GPR179: variants seen among roughly 807,000 people sequenced by gnomAD.
GPR179 encodes the protein G protein-coupled receptor 179, also known as probable G protein-coupled receptor 179.
GPR179 carries 52 observed loss-of-function variants against 70.8 expected under a neutral mutation model. That is an observed-to-expected ratio of 0.73 (90% CI 0.59 to 0.93). The LOEUF (loss-of-function observed/expected upper bound fraction) is 0.93, where lower values mean the gene tolerates loss of function less well. Ranked by LOEUF, GPR179 falls within the 40% of genes least tolerant of loss-of-function variation. GPR179 has a pLI of 0.00. For missense variants in GPR179, 2,734 were observed against 2,966.8 expected, an observed-to-expected ratio of 0.92 and a Z score of 1.82; for synonymous variants, 1,123 against 1,169.0, an observed-to-expected ratio of 0.96 and a Z score of 0.80.
rs1338935263 is a variant in GPR179 at position 38,334,467 on chromosome 17, TA to T, written c.1784+236del. On this transcript the variant is annotated intron_variant, in intron 8 of 10. Coordinates refer to ENST00000616987, the MANE Select transcript of GPR179 (RefSeq NM_001004334.4). The surrounding 1 kb of genome is among the most constrained non-coding windows in gnomAD (Gnocchi z 4.7). ...AGGTGCTTTGGGAGGGGTGAGGAGT[TA>T]GGAGGAAGGTCCTCTTCCTCCTCTT... Among the ~76,000 whole-genome samples, 1 of 151,528 alleles carries T rather than the reference TA, an allele frequency of 6.6e-6. No homozygotes were observed. The highest frequency in any genetic ancestry group is 1.9e-4 in the East Asian group (1 of 5,140).
chr17:38,326,940 T>C lies in GPR179; in HGVS notation c.6629A>G (p.Glu2210Gly), dbSNP rs1436755775. Residue 2210 changes from glutamate (E) to glycine (G), a missense_variant, in exon 11 of 11, where the codon GAA (glutamate) becomes GGA (glycine). Glu to Gly is a moderately conservative substitution (Grantham distance 98). Coordinates refer to ENST00000616987, the MANE Select transcript of GPR179 (RefSeq NM_001004334.4). Reference protein sequence around the residue: ...LDPELKVSPKEAGSMGSRMAE... With the variant: ...LDPELKVSPKGAGSMGSRMAE... Reference sequence around the variant, plus strand: ...CATCCTGCTTCCCATGCTGCCTGCTTCCTTGGGGCTGACTTTGAGTTCTGG... The same window carrying C: ...CATCCTGCTTCCCATGCTGCCTGCTCCCTTGGGGCTGACTTTGAGTTCTGG... 3 of 1,613,994 alleles carry C rather than the reference T, an allele frequency of 1.9e-6. No homozygotes were observed. The highest frequency in any genetic ancestry group is 2.7e-5 in the African/African-American group (2 of 74,924).
intron 2 of GPR179, chr17:38,339,213 T>A: frequency 1.9e-6 from 1 of 520,984 alleles, no homozygotes; most frequent in Non-Finnish European, 3.4e-6. Flanking sequence ...GCAGGAGGAA[T>A]AGGGGGTGGG....
chr17:38,328,375 C>T lies in GPR179; in HGVS notation c.5194G>A (p.Gly1732Ser), dbSNP rs1567722546. ...EAIRKSPNDT[G>S]KVSADLGPRE... is the part of the protein sequence containing the mutation. ...GGTCCAAGATCTGCAGAAACCTTGCCTGTATCATTTGGAGATTTCCTAATG... is the reference window on the plus strand; with the variant it reads ...GGTCCAAGATCTGCAGAAACCTTGCTTGTATCATTTGGAGATTTCCTAATG... Residue 1732 changes from glycine (G) to serine (S), a missense_variant, in exon 11 of 11, where the codon GGC (glycine) becomes AGC (serine). By Grantham distance (56) the Gly-to-Ser change is moderately conservative. Coordinates refer to ENST00000616987, the MANE Select transcript of GPR179 (RefSeq NM_001004334.4). The T allele has an allele frequency of 1.2e-6, 2 of 1,613,768 alleles. No individual in the cohort carries two copies. The highest frequency in any genetic ancestry group is 1.1e-5 in the South Asian group (1 of 91,070).
In GPR179 at chr17:38,334,004, T is replaced by C. The variant is rs1474554854; in HGVS notation, c.1819A>G (p.Thr607Ala). 2 of 1,613,532 alleles carry C rather than the reference T, an allele frequency of 1.2e-6. No homozygotes were observed. The highest frequency in any genetic ancestry group is 1.7e-6 in the Non-Finnish European group (2 of 1,179,794). Reference protein sequence around the residue: ...VLVPSLHPDWTLLLFFFHTHS... With the variant: ...VLVPSLHPDWALLLFFFHTHS... ...GTGTGGAAGAAGAAGAGGAGGAGGGTCCAGTCCGGGTGCAGAGAGGGAACC... is the reference window on the plus strand; with the variant it reads ...GTGTGGAAGAAGAAGAGGAGGAGGGCCCAGTCCGGGTGCAGAGAGGGAACC... Residue 607 changes from threonine (T) to alanine (A), a missense_variant, in exon 9 of 11, where the codon ACC becomes GCC. Transcript: ENST00000616987. The surrounding 1 kb of genome is among the most constrained non-coding windows in gnomAD (Gnocchi z 4.7).
In GPR179 at chr17:38,331,042, CACTGA is replaced by C. The variant is rs1264885990; in HGVS notation, c.2522_2526del (p.Leu841ArgfsTer80). ...AAGGCCTTTTCCCTGGAGCTGGCCA[CACTGA>C]GCGACTTCTGCAGAGAGGCGGGCCG... is the stretch of plus-strand genomic sequence containing the variant. On this transcript the variant is annotated frameshift_variant, in exon 11 of 11. Coordinates refer to ENST00000616987, the MANE Select transcript of GPR179 (RefSeq NM_001004334.4). LOFTEE classifies it low-confidence loss of function (END_TRUNC). 6.2e-7 allele frequency: 1 copy of C among 1,608,346 alleles called. No homozygotes were observed. The highest frequency in any genetic ancestry group is 1.7e-5 in the Admixed American group (1 of 60,012).
Position 38,329,915 on chromosome 17 carries a change from G to T in GPR179, c.3654C>A (p.Thr1218=), listed in dbSNP as rs759067026. 6.2e-7 allele frequency: 1 copy of T among 1,614,202 alleles called. No homozygotes were observed. The highest frequency in any genetic ancestry group is 8.5e-7 in the Non-Finnish European group (1 of 1,180,036). Residue 1218 remains threonine, a synonymous_variant, in exon 11 of 11, where the codon ACC becomes ACA. Coordinates refer to ENST00000616987, the MANE Select transcript of GPR179 (RefSeq NM_001004334.4). ...TGGGCAGTTCCTGCCACCCGACAGG[G>T]GTTTCTTTTGATTGCTTGATGTTTT... ...RDKNIKQSKE[T]PVGWQELPKA... is the part of the protein sequence containing the mutation.
chr17:38,331,647 C>T, intron 10 of GPR179, 116 bp from the exon 11 acceptor site: 1 of 1,474,884 alleles, frequency 6.8e-7, no homozygotes, highest in Non-Finnish European at 9.0e-7. Flanking sequence ...TTCCATCAAG[C>T]TGTATCTCTT....
Position 38,327,430 on chromosome 17 carries a change from T to C in GPR179, c.6139A>G (p.Arg2047Gly). ...GKGDSQEEKG[R>G]APEKSEPKGV... ...TTTGGCTCTGATTTTTCTGGGGCTC[T>C]GCCTTTCTCTTCTTGAGAGTCCCCT... The change falls in exon 11 of 11, where the codon AGA (arginine) becomes GGA (glycine). Residue 2047 changes from arginine to glycine, a missense_variant. Coordinates refer to ENST00000616987, the MANE Select transcript of GPR179 (RefSeq NM_001004334.4). 6.2e-7 allele frequency: 1 copy of C among 1,614,262 alleles called. No homozygotes were observed. The highest frequency in any genetic ancestry group is 8.5e-7 in the Non-Finnish European group (1 of 1,180,046).
chr17:38,330,891 C>T lies in GPR179; in HGVS notation c.2678G>A (p.Arg893Gln), dbSNP rs567907035. The T allele has an allele frequency of 1.9e-5, 30 of 1,602,758 alleles. No individual in the cohort carries two copies. Among genetic ancestry groups the T allele is most frequent in the Middle Eastern group, 1.7e-4 (1 of 6,030 alleles). The change falls in exon 11 of 11, where the codon CGG becomes CAG. Residue 893 changes from arginine (R) to glutamine (Q), a missense_variant. Arg to Gln is a conservative substitution (Grantham distance 43, BLOSUM62 1). Coordinates refer to ENST00000616987, the MANE Select transcript of GPR179 (RefSeq NM_001004334.4). ...VRRPSARRLE[R>Q]PRGAPLSAPP... is the part of the protein sequence containing the mutation. Reference sequence around the variant, plus strand: ...AGCTGACAGGGGGGCCCCTCGAGGCCGCTCCAGCCTCCTGGCTGATGGCCT... The same window carrying T: ...AGCTGACAGGGGGGCCCCTCGAGGCTGCTCCAGCCTCCTGGCTGATGGCCT...
At position 38,334,692 on chromosome 17, in the gene GPR179, G is replaced by A; in HGVS notation, c.1784+12C>T. On this transcript the variant is annotated intron_variant, in intron 8 of 10. Coordinates refer to ENST00000616987, the MANE Select transcript of GPR179 (RefSeq NM_001004334.4). The surrounding 1 kb of genome is among the most constrained non-coding windows in gnomAD (Gnocchi z 4.7). ...AGTGGAAGGGGGTGTGGGGAGGTGA[G>A]TCCGTCCTCACCTGGCTGTGTGGAA... 5 of 1,612,954 alleles carry A rather than the reference G, an allele frequency of 3.1e-6. No individual in the cohort carries two copies. The highest frequency in any genetic ancestry group is 4.2e-6 in the Non-Finnish European group (5 of 1,179,380).
chr17:38,330,193 G>A lies in GPR179; in HGVS notation c.3376C>T (p.Pro1126Ser). The change falls in exon 11 of 11, where the codon CCC becomes TCC. Residue 1126 changes from proline to serine, a missense_variant. Coordinates refer to ENST00000616987, the MANE Select transcript of GPR179 (RefSeq NM_001004334.4). ...CGGCCTAGCCTGGGCGATCGGGAGG[G>A]TGCCCCCATACTCTCTCCCGCAGTC... ...SGTAGESMGAPSRSPRLGRPK... is the reference protein window; with the variant it reads ...SGTAGESMGASSRSPRLGRPK... The A allele has an allele frequency of 6.4e-7, 1 of 1,569,056 alleles. No individual in the cohort carries two copies. The highest frequency in any genetic ancestry group is 8.6e-7 in the Non-Finnish European group (1 of 1,157,300).
At position 38,331,030 on chromosome 17, in the gene GPR179, T is replaced by C; in HGVS notation, c.2539A>G (p.Arg847Gly). The change falls in exon 11 of 11, where the codon AGG becomes GGG. Residue 847 changes from arginine to glycine, a missense_variant. Transcript: ENST00000616987. ...CTGGCCATGAGCAAGGCCTTTTCCC[T>C]GGAGCTGGCCACACTGAGCGACTTC... ...LQKSLSVASS[R>G]EKALLMASQA... 6.2e-7 allele frequency: 1 copy of C among 1,609,524 alleles called. No individual in the cohort carries two copies. Among genetic ancestry groups the C allele is most frequent in the Non-Finnish European group, 8.5e-7 (1 of 1,179,950 alleles).
Position 38,343,677 on chromosome 17 carries a change from A to C in GPR179, c.113T>G (p.Leu38Arg), listed in dbSNP as rs1444300566. 1 of 1,610,666 alleles carries C rather than the reference A, an allele frequency of 6.2e-7. No individual in the cohort carries two copies. Residue 38 changes from leucine to arginine, a missense_variant, in exon 1 of 11, where the codon CTG becomes CGG. Physicochemically the swap from Leu to Arg is moderately radical, Grantham distance 102. Transcript: ENST00000616987. The surrounding 1 kb of genome is among the most constrained non-coding windows in gnomAD (Gnocchi z 4.2). Reference sequence around the variant, plus strand: ...AGATCCTGGCTTGACTTGGGAAGACAGAGGGGGCAGAGAGCGGATGGGCCG... The same window carrying C: ...AGATCCTGGCTTGACTTGGGAAGACCGAGGGGGCAGAGAGCGGATGGGCCG... ...GPRPIRSLPP[L>R]SSQVKPGSVP...
At position 38,328,972 on chromosome 17, in the gene GPR179, C is replaced by T. The variant is rs749324406; in HGVS notation, c.4597G>A (p.Glu1533Lys). Residue 1533 changes from glutamate (E) to lysine (K), a missense_variant, in exon 11 of 11, where the codon GAG (glutamate) becomes AAG (lysine). Physicochemically the swap from Glu to Lys is moderately conservative, Grantham distance 56. Transcript: ENST00000616987. ...GTGCTCTCCCTGGGACAAACTGACTCCTGCTGTTGACTTAATTTCTGCACT... is the reference window on the plus strand; with the variant it reads ...GTGCTCTCCCTGGGACAAACTGACTTCTGCTGTTGACTTAATTTCTGCACT... Reference protein sequence around the residue: ...KAVQKLSQQQESVCPRESTVP... With the variant: ...KAVQKLSQQQKSVCPRESTVP... The T allele has an allele frequency of 6.2e-6, 10 of 1,614,180 alleles. No individual in the cohort carries two copies. Among genetic ancestry groups the T allele is most frequent in the Non-Finnish European group, 6.8e-6 (8 of 1,180,024 alleles).
chr17:38,330,877 G>T lies in GPR179; in HGVS notation c.2692C>A (p.Pro898Thr). 1 of 1,600,966 alleles carries T rather than the reference G, an allele frequency of 6.2e-7. No individual in the cohort carries two copies. The highest frequency in any genetic ancestry group is 8.5e-7 in the Non-Finnish European group (1 of 1,174,256). ...ARRLERPRGA[P>T]LSAPPSPAKS... ...GCAGGGGAAGGTGGAGCTGACAGGGGGGCCCCTCGAGGCCGCTCCAGCCTC... is the reference window on the plus strand; with the variant it reads ...GCAGGGGAAGGTGGAGCTGACAGGGTGGCCCCTCGAGGCCGCTCCAGCCTC... The change falls in exon 11 of 11, where the codon CCC becomes ACC. Residue 898 changes from proline (P) to threonine (T), a missense_variant. Coordinates refer to ENST00000616987, the MANE Select transcript of GPR179 (RefSeq NM_001004334.4).
chr17:38,326,840 A>C lies in GPR179; in HGVS notation c.6729T>G (p.Pro2243=), dbSNP rs779787069. The change falls in exon 11 of 11, where the codon CCT becomes CCG. Residue 2243 remains proline, a synonymous_variant. Transcript: ENST00000616987. ...KIKGTMADIC[P]GEETGVPSEE... is the part of the protein sequence containing the mutation. ...CAGATGGGACTCCAGTTTCCTCCCC[A>C]GGACAGATGTCTGCCATGGTACCCT... is the stretch of plus-strand genomic sequence containing the variant. The C allele has an allele frequency of 4.3e-6, 7 of 1,614,108 alleles. No homozygotes were observed. Among genetic ancestry groups the C allele is most frequent in the Non-Finnish European group, 5.9e-6 (7 of 1,180,044 alleles).
Position 38,328,518 on chromosome 17 carries a change from T to A in GPR179, c.5051A>T (p.Lys1684Ile), listed in dbSNP as rs2037314524. The change falls in exon 11 of 11, where the codon AAA (lysine) becomes ATA (isoleucine). Residue 1684 changes from lysine to isoleucine, a missense_variant. Lys to Ile is a moderately radical substitution (Grantham distance 102). Coordinates refer to ENST00000616987, the MANE Select transcript of GPR179 (RefSeq NM_001004334.4). ...LLQMSGSVGS[K>I]AADICPLDVE... The stretch of plus-strand genomic sequence containing the variant: ...ATCCAAAGGGCAAATGTCGGCAGCT[T>A]TGCTTCCCACACTGCCTGACATCTG... The A allele has an allele frequency of 6.2e-7, 1 of 1,612,792 alleles. No individual in the cohort carries two copies. Among genetic ancestry groups the A allele is most frequent in the Admixed American group, 1.7e-5 (1 of 59,882 alleles).
At position 38,328,078 on chromosome 17, in the gene GPR179, A is replaced by G. The variant is rs1226780005; in HGVS notation, c.5491T>C (p.Leu1831=). 3.1e-6 allele frequency: 5 copies of G among 1,613,744 alleles called. No individual in the cohort carries two copies. Among genetic ancestry groups the G allele is most frequent in the Middle Eastern group, 1.7e-4 (1 of 6,060 alleles). ...EVSEGTTGKG[L]DQKAGSESAE... ...GATTCACTCCCTGCCTTTTGGTCCA[A>G]TCCCTTCCCAGTAGTTCCTTCACTT... Residue 1831 remains leucine, a synonymous_variant, in exon 11 of 11, where the codon TTG becomes CTG. Coordinates refer to ENST00000616987, the MANE Select transcript of GPR179 (RefSeq NM_001004334.4).
chr17:38,337,374 C>T (rs1214100518), intron 3 of GPR179, among the ~76,000 whole-genome samples, 161 bp from the exon 4 acceptor site: 3 of 152,152 alleles, frequency 2.0e-5, no homozygotes, highest in Non-Finnish European at 4.4e-5. Flanking sequence ...GGCAAAGTAC[C>T]AGGAAGAGGT....
Sources: gnomAD v4.1 joint callset for allele counts (sites outside exome capture counted in the v4.1 genomes callset) on GRCh38, gnomAD v4.1.1 for gene constraint, Gnocchi (gnomAD v3.1) non-coding constraint, MANE v1.5 for transcripts, NCBI Gene and HGNC (gene_info 2026-07-23, HGNC 2026-07-21) for gene names.